Variants in FREM3 observed in about 807,000 individuals in gnomAD.
FREM3 encodes FRAS1-related extracellular matrix protein 3.
FREM3 carries 105 observed loss-of-function variants against 129.1 expected under a neutral mutation model. That is an observed-to-expected ratio of 0.81 (90% CI 0.69 to 0.96). The LOEUF is 0.96. FREM3 is among the 40% of genes least tolerant of loss of function. The pLI is 0.00. For missense variants in FREM3, 2,593 were observed against 2,666.3 expected (o/e 0.97, Z 0.61); for synonymous variants, 1,014 against 1,044.9 (o/e 0.97, Z 0.57).
At chr4:143,584,378 C>T (rs1211946062) in intron 7 of FREM3, among the ~76,000 whole-genome samples, 19 of 144,632 alleles carry the variant, frequency 1.3e-4, no homozygotes, top group Non-Finnish European at 1.8e-4. Context: ...CACTGCGGTC[C>T]GCAGTCCGGC....
At chr4:143,661,978 C>CT (rs1219089639) in intron 2 of FREM3, among the ~76,000 whole-genome samples, 1 of 151,896 alleles carries the variant, frequency 6.6e-6, no homozygotes, top group African/African-American at 2.4e-5. Context: ...ATTCTTCTCT[C>CT]TTTTTTTCTT....
At chr4:143,678,543 A>AAT (rs145328094) in intron 2 of FREM3, among the ~76,000 whole-genome samples, 3,827 of 150,830 alleles carry the variant, frequency 0.025, 182 homozygotes, top group African/African-American at 0.087. Flanking sequence ...AGTATAATAA[A>AAT]ATATATATAT....
At chr4:143,649,930 C>G (rs954049418) in intron 2 of FREM3, among the ~76,000 whole-genome samples, 1 of 152,184 alleles carries the variant, frequency 6.6e-6, no homozygotes, top group African/African-American at 2.4e-5. Context: ...ACAAACTAGT[C>G]CATGATATCT....
intron 2 of FREM3, among the ~76,000 whole-genome samples, chr4:143,633,470 T>A (rs1739176784): frequency 6.6e-6 from 1 of 152,172 alleles, no homozygotes; most frequent in Non-Finnish European, 1.5e-5. Flanking sequence ...GTATATGCTG[T>A]TCCCTCTTCT....
At chr4:143,673,515 T>A (rs1003514857) in intron 2 of FREM3, among the ~76,000 whole-genome samples, 1 of 152,176 alleles carries the variant, frequency 6.6e-6, no homozygotes, top group Non-Finnish European at 1.5e-5. Flanking sequence ...GGGGGGTGCC[T>A]CCCAGATAGG....
At chr4:143,627,240 CAT>C (rs1024178692) in intron 3 of FREM3, among the ~76,000 whole-genome samples, 4 of 152,042 alleles carry the variant, frequency 2.6e-5, no homozygotes, top group Non-Finnish European at 5.9e-5. Flanking sequence ...ATCATGTACT[CAT>C]AAATAATTTT....
At chr4:143,642,016 C>G (rs1739328462) in intron 2 of FREM3, among the ~76,000 whole-genome samples, 4 of 151,634 alleles carry the variant, frequency 2.6e-5, no homozygotes, top group Admixed American at 2.6e-4. Flanking sequence ...GCAGACTAAA[C>G]TTGGATACTG....
chr4:143,700,282 G>A lies in FREM3; in HGVS notation c.394C>T (p.His132Tyr), dbSNP rs1307044050. The A allele has an allele frequency of 3.9e-6, 6 of 1,536,254 alleles. No homozygotes were observed. In the East Asian group the frequency reaches 1.2e-4, roughly 31 times the overall value. Residue 132 changes from histidine to tyrosine, a missense_variant, in exon 1 of 8, where the codon CAC (histidine) becomes TAC (tyrosine). Physicochemically the swap from His to Tyr is moderately conservative, Grantham distance 83. Around this residue, in one of 2 missense-constraint regions of FREM3, gnomAD observed 2,276 missense variants for 2,267.2 expected, o/e 1.00. Transcript: ENST00000329798. ...AGCACCCGGGCGCGTCCGGGGCTGTGGGAGCCGAAGTGAGTGTACTGGACT... is the reference window on the plus strand; with the variant it reads ...AGCACCCGGGCGCGTCCGGGGCTGTAGGAGCCGAAGTGAGTGTACTGGACT... ...RQVQYTHFGS[H>Y]SPGRARVLLQ...
rs115069933 is a variant in FREM3 at position 143,579,943 on chromosome 4, C to T, written c.6179-2091G>A. ...ATCCCTACCAGACAGCTAGCAGAGG[C>T]GTCATTACTTTTATGCAAAGAGGTT... On this transcript the variant is annotated intron_variant, in intron 7 of 7. Coordinates refer to ENST00000329798, the MANE Select transcript of FREM3 (RefSeq NM_001168235.2). 4.5e-3 allele frequency among the ~76,000 whole-genome samples: 678 copies of T among 152,248 alleles called. 4 individuals are homozygous for T. Among genetic ancestry groups the T allele is most frequent in the Admixed American group, 0.011 (173 of 15,292 alleles).
rs1442378296 is a variant in FREM3, at chr4:143,696,569, A to G, written c.4107T>C (p.Leu1369=). ...CCTGGGTAAAGTTCATTCCCAGAGTAAGATTGTTCCTCACTTCTCCTCTGG... is the reference window on the plus strand; with the variant it reads ...CCTGGGTAAAGTTCATTCCCAGAGTGAGATTGTTCCTCACTTCTCCTCTGG... ...RKPRGEVRNN[L]TLGMNFTQDE... The change falls in exon 1 of 8, where the codon CTT becomes CTC. Residue 1369 remains leucine, a synonymous_variant. Transcript: ENST00000329798. The G allele has an allele frequency of 1.3e-6, 2 of 1,537,362 alleles. No homozygotes were observed. The highest frequency in any genetic ancestry group is 1.4e-5 in the African/African-American group (1 of 73,034).
intron 2 of FREM3, among the ~76,000 whole-genome samples, chr4:143,679,438 G>A (rs115012443): frequency 2.6e-5 from 4 of 152,276 alleles, no homozygotes; most frequent in African/African-American, 9.6e-5. Flanking sequence ...TGGCTGGACT[G>A]CTGGATAACT....
intron 2 of FREM3, among the ~76,000 whole-genome samples, chr4:143,642,665 C>T (rs1739341409): frequency 6.6e-6 from 1 of 152,136 alleles, no homozygotes; most frequent in South Asian, 2.1e-4. Flanking sequence ...AAGTGTAAAA[C>T]TCACAACTAT....
intron 2 of FREM3, among the ~76,000 whole-genome samples, chr4:143,628,327 G>A (rs1436861966): frequency 6.6e-6 from 1 of 151,978 alleles, no homozygotes; most frequent in South Asian, 2.1e-4. Context: ...GGGATATAAG[G>A]GCTCTATCTT....
At chr4:143,650,769 G>A (rs903872130) in intron 2 of FREM3, among the ~76,000 whole-genome samples, 6 of 152,152 alleles carry the variant, frequency 3.9e-5, no homozygotes, top group African/African-American at 1.4e-4. Flanking sequence ...TAGGATTACA[G>A]GTATGAGCCA....
chr4:143,700,589 C>A lies in FREM3; in HGVS notation c.87G>T (p.Leu29=). ...TCCCAAGTGAGGATGCCCGTCCCTG[C>A]AGCGCGGGGCGACTCAAGAGCAGGC... ...LACLLLSRPA[L]QGRASSLGTE... is the part of the protein sequence containing the mutation. The change falls in exon 1 of 8, where the codon CTG becomes CTT. Residue 29 remains leucine, a synonymous_variant. Transcript: ENST00000329798. The A allele has an allele frequency of 1.4e-6, 2 of 1,478,418 alleles. No individual in the cohort carries two copies. Among genetic ancestry groups the A allele is most frequent in the East Asian group, 2.5e-5 (1 of 39,744 alleles). The allele number at this position is 1,478,418 out of a possible 1,614,324, so 91.6% of individuals were successfully genotyped here.
chr4:143,698,433 G>A lies in FREM3; in HGVS notation c.2243C>T (p.Pro748Leu), dbSNP rs1398312766. ...QNLWYTLLTL[P>L]TDTDGNHQVR... ...TTGGTGGTTGCCATCTGTGTCAGTC[G>A]GGAGTGTCAGTAGGGTGTACCATAG... The change falls in exon 1 of 8, where the codon CCG (proline) becomes CTG (leucine). Residue 748 changes from proline to leucine, a missense_variant. Coordinates refer to ENST00000329798, the MANE Select transcript of FREM3 (RefSeq NM_001168235.2). The A allele has an allele frequency of 1.1e-5, 17 of 1,537,744 alleles. No individual in the cohort carries two copies. The highest frequency in any genetic ancestry group is 4.9e-5 in the East Asian group (2 of 40,932).
At chr4:143,580,277 G>T (rs1230713297) in intron 7 of FREM3, among the ~76,000 whole-genome samples, 3 of 152,168 alleles carry the variant, frequency 2.0e-5, no homozygotes, top group Non-Finnish European at 4.4e-5. Context: ...GAACATAGAA[G>T]AGTGAGACAG....
rs79450167 is a variant in FREM3, at chr4:143,577,910, C to T, written c.6179-58G>A. ...GTAGGATTTGTCATAAGTTTTCCTT[C>T]AGAGAAAAATGAGAGCTCTCACCAA... On this transcript the variant is annotated intron_variant, in intron 7 of 7. Coordinates refer to ENST00000329798, the MANE Select transcript of FREM3 (RefSeq NM_001168235.2). The T allele has an allele frequency of 4.0e-3, 5,947 of 1,489,074 alleles. 182 individuals carry two copies. The African/African-American group carries it at 0.068, about 17-fold the overall frequency. The allele number at this position is 1,489,074 out of a possible 1,614,324, so 92.2% of individuals were successfully genotyped here.
chr4:143,633,085 G>C (rs537704133), intron 2 of FREM3, among the ~76,000 whole-genome samples: 1 of 152,124 alleles, frequency 6.6e-6, no homozygotes, highest in Non-Finnish European at 1.5e-5. Flanking sequence ...TCCATATTTT[G>C]GTGAGGGTTG....
Sources: gnomAD v4.1 joint callset for allele counts (sites outside exome capture counted in the v4.1 genomes callset) on GRCh38, gnomAD v4.1.1 for gene constraint, gnomAD v4.1.1 regional missense constraint, MANE v1.5 for transcripts, NCBI Gene and HGNC (gene_info 2026-07-23, HGNC 2026-07-21) for gene names.